Variants in SPATA17 observed in about 807,000 individuals in gnomAD.
SPATA17 encodes spermatogenesis associated 17, also known as spermatogenesis-associated protein 17.
Under a neutral mutation model 62.2 loss-of-function variants are expected in SPATA17, and 53 were observed. That is an observed-to-expected ratio of 0.85 (90% CI 0.68 to 1.07). The LOEUF (loss-of-function observed/expected upper bound fraction) is 1.07. SPATA17 is among the 50% of genes least tolerant of loss of function. SPATA17 has a pLI of 0.00. For synonymous variants in SPATA17, 146 were observed against 146.8 expected (o/e 0.99, Z 0.04); for missense variants, 466 against 425.5 (o/e 1.10, Z -0.84).
chr1:217,727,661 A>G (rs530908354), intron 5 of SPATA17, among the ~76,000 whole-genome samples: 181 of 152,244 alleles, frequency 1.2e-3, no homozygotes, highest in Non-Finnish European at 2.3e-3. Context: ...TTTTCCTCTC[A>G]TGTTGTATAG....
chr1:217,788,195 G>T (rs950841144), intron 8 of SPATA17, among the ~76,000 whole-genome samples: 4 of 152,114 alleles, frequency 2.6e-5, no homozygotes, highest in Admixed American at 6.5e-5. Flanking sequence ...CTTCACTAAG[G>T]TATTATGAGA....
intron 9 of SPATA17, among the ~76,000 whole-genome samples, chr1:217,849,011 A>G (rs1330022463): frequency 6.6e-6 from 1 of 152,066 alleles, no homozygotes; most frequent in Admixed American, 6.6e-5. Flanking sequence ...AGCAGCTTGT[A>G]CTTGTTTAAT....
At chr1:217,810,941 G>C (rs1431426587) in intron 9 of SPATA17, among the ~76,000 whole-genome samples, 1 of 152,014 alleles carries the variant, frequency 6.6e-6, no homozygotes, top group South Asian at 2.1e-4. Context: ...GACACATGGG[G>C]ATTAAAATTT....
At chr1:217,793,214 G>GT (rs1674043142) in intron 8 of SPATA17, among the ~76,000 whole-genome samples, 3 of 110,728 alleles carry the variant, frequency 2.7e-5, no homozygotes, top group Admixed American at 8.3e-5. Flanking sequence ...TTAGGGCAGT[G>GT]GTTTTTGTTT....
At chr1:217,752,557 C>T (rs78773366) in intron 6 of SPATA17, among the ~76,000 whole-genome samples, 19 of 152,186 alleles carry the variant, frequency 1.2e-4, no homozygotes, top group East Asian at 1.2e-3. Flanking sequence ...GGATTATTTA[C>T]GCTTTTGTTC....
intron 9 of SPATA17, among the ~76,000 whole-genome samples, chr1:217,849,633 A>T (rs1675603530): frequency 6.6e-6 from 1 of 152,168 alleles, no homozygotes; most frequent in African/African-American, 2.4e-5. Flanking sequence ...ACCGTTCAGT[A>T]TGAAACCTTT....
chr1:217,850,712 C>T (rs929500309), intron 9 of SPATA17: 8 of 1,116,938 alleles, frequency 7.2e-6, no homozygotes, highest in African/African-American at 3.1e-5. Flanking sequence ...CACGCTCACC[C>T]GACAAAGCCA....
chr1:217,742,112 T>C lies in SPATA17; in HGVS notation c.519+14T>C. 1.9e-6 allele frequency: 3 copies of C among 1,613,640 alleles called. No homozygotes were observed. The South Asian group carries it at 3.3e-5, about 18-fold the overall frequency. On this transcript the variant is annotated intron_variant, in intron 6 of 10. Transcript: ENST00000366933. ...AGCACAAAGCAGGTTGGTTTACCTG[T>C]CCCTGACAGCTCCTGTAAGCCACTT... is the stretch of plus-strand genomic sequence containing the variant.
At chr1:217,743,801 GT>G (rs1672680685) in intron 6 of SPATA17, among the ~76,000 whole-genome samples, 1 of 151,866 alleles carries the variant, frequency 6.6e-6, no homozygotes, top group Non-Finnish European at 1.5e-5. Context: ...TAGAGATGAG[GT>G]TTCACCGTGT....
chr1:217,846,834 T>G (rs995257761), intron 9 of SPATA17, among the ~76,000 whole-genome samples: 16 of 152,084 alleles, frequency 1.1e-4, no homozygotes, highest in Admixed American at 1.0e-3. Context: ...GTTTCTGAAG[T>G]GTAGCAACTT....
At chr1:217,742,872 G>C (rs547948664) in intron 6 of SPATA17, among the ~76,000 whole-genome samples, 18 of 151,824 alleles carry the variant, frequency 1.2e-4, no homozygotes, top group Non-Finnish European at 2.5e-4. Context: ...AATGTCTCCA[G>C]GTAGGGGCAA....
intron 9 of SPATA17, among the ~76,000 whole-genome samples, chr1:217,834,074 A>G (rs947327937): frequency 3.9e-5 from 6 of 152,194 alleles, no homozygotes; most frequent in Non-Finnish European, 7.3e-5. Context: ...GACTGCAAAT[A>G]CAAGGGCAGT....
chr1:217,668,894 A>C (rs1670769481), intron 3 of SPATA17, 139 bp from the exon 4 acceptor site: 2 of 762,690 alleles, frequency 2.6e-6, no homozygotes, highest in Non-Finnish European at 4.3e-6. Context: ...TCTTCAATAC[A>C]ACATTTGATT....
At chr1:217,695,847 C>G (rs1481907133) in intron 5 of SPATA17, among the ~76,000 whole-genome samples, 5 of 113,070 alleles carry the variant, frequency 4.4e-5, no homozygotes, top group South Asian at 3.2e-4. Context: ...GCAGTCTGCC[C>G]GTTCTCAGAT....
At chr1:217,829,627 CAAAAAAAAAAAAAAA>C (rs397982930) in intron 9 of SPATA17, among the ~76,000 whole-genome samples, 1 of 46,760 alleles carries the variant, frequency 2.1e-5, no homozygotes, top group African/African-American at 1.0e-4. Flanking sequence ...GACTCCATCT[CAAAAAAAAAAAAAAA>C]AAAAAAAAAA....
intron 4 of SPATA17, among the ~76,000 whole-genome samples, chr1:217,671,364 C>G (rs1310943666): frequency 6.6e-6 from 1 of 152,202 alleles, no homozygotes; most frequent in Non-Finnish European, 1.5e-5. Context: ...TCTTATCCCA[C>G]TTCTCCACCT....
chr1:217,643,914 G>A (rs1186266708), intron 1 of SPATA17, among the ~76,000 whole-genome samples: 4 of 151,916 alleles, frequency 2.6e-5, no homozygotes, highest in African/African-American at 9.7e-5. Context: ...TTTTTGTAGA[G>A]ACAGGGTTTC....
chr1:217,746,538 A>C (rs1171874627), intron 6 of SPATA17, among the ~76,000 whole-genome samples: 2 of 147,422 alleles, frequency 1.4e-5, no homozygotes, highest in Non-Finnish European at 3.0e-5. Flanking sequence ...GAATTCAGAT[A>C]TAGATGATAT....
chr1:217,849,736 T>TGAGGGGAG (rs1675605482), intron 9 of SPATA17, among the ~76,000 whole-genome samples: 1 of 152,026 alleles, frequency 6.6e-6, no homozygotes, highest in Admixed American at 6.6e-5. Context: ...TTCCTGAACC[T>TGAGGGGAG]GAGGGGAGGA....
Sources: allele counts gnomAD v4.1 joint callset (sites outside exome capture counted in the v4.1 genomes callset), GRCh38; gene constraint gnomAD v4.1.1; transcripts MANE v1.5; gene names NCBI Gene and HGNC (gene_info 2026-07-23, HGNC 2026-07-21).